The following MAST4 variants were observed in gnomAD, a reference collection of about 807,000 sequenced individuals.
MAST4 encodes the protein microtubule-associated serine/threonine-protein kinase 4.
Under a neutral mutation model 162.7 loss-of-function variants are expected in MAST4, and 89 were observed. The ratio of observed to expected loss-of-function variants is 0.55; its 90% CI spans 0.46 to 0.65. MAST4 has a LOEUF of 0.65. Among genes scored for constraint, MAST4 ranks in the 30% least tolerant of loss-of-function variants. The probability of loss-of-function intolerance (pLI) is 0.00; values close to 1 mark genes in which losing one functional copy is unlikely to be tolerated. For synonymous variants in MAST4, 1,479 were observed against 1,361.1 expected (o/e 1.09, Z -1.91); for missense variants, 3,153 against 3,374.0 (o/e 0.93, Z 1.62).
At chr5:66,965,612 A>C in intron 4 of MAST4, among the ~76,000 whole-genome samples, 1 of 150,976 alleles carries the variant, frequency 6.6e-6, no homozygotes, top group South Asian at 2.1e-4. Flanking sequence ...TGAAGGATAA[A>C]ACCAGACAGA....
At chr5:66,778,366 C>G (rs1231889089) in intron 2 of MAST4, among the ~76,000 whole-genome samples, 1 of 152,052 alleles carries the variant, frequency 6.6e-6, no homozygotes, top group Non-Finnish European at 1.5e-5. Flanking sequence ...CAGGGCTGGG[C>G]CTCATTGCAG....
At position 67,165,811 on chromosome 5, in the gene MAST4, CCCTCT is replaced by C. The variant is rs1743347031; in HGVS notation, c.6639_6643del (p.Ser2214GlufsTer21). The C allele has an allele frequency of 6.2e-7, 1 of 1,612,362 alleles. No homozygotes were observed. Among genetic ancestry groups the C allele is most frequent in the African/African-American group, 1.3e-5 (1 of 74,932 alleles). On this transcript the variant is annotated frameshift_variant, in exon 29 of 29. Transcript: ENST00000403625. LOFTEE classifies it low-confidence loss of function (END_TRUNC). The stretch of plus-strand genomic sequence containing the variant: ...CCAAAGACTAAGCACCCCGACCGGT[CCCTCT>C]CCTCTCAGAAACCAAGTGTCGGGGC...
chr5:67,027,425 T>C (rs1307875394), intron 4 of MAST4, among the ~76,000 whole-genome samples: 3 of 152,158 alleles, frequency 2.0e-5, no homozygotes, highest in Non-Finnish European at 2.9e-5. Flanking sequence ...CATAAGGATC[T>C]GGAGGGCTAA....
intron 4 of MAST4, among the ~76,000 whole-genome samples, chr5:66,976,617 G>A (rs1174483274): frequency 6.6e-6 from 1 of 152,340 alleles, no homozygotes; most frequent in South Asian, 2.1e-4. Context: ...TAATGCACAG[G>A]TCTTTGCAGG....
intron 5 of MAST4, among the ~76,000 whole-genome samples, chr5:67,089,202 C>G (rs1241193234): frequency 6.6e-6 from 1 of 152,196 alleles, no homozygotes; most frequent in Non-Finnish European, 1.5e-5. Context: ...CTTATTTAAA[C>G]CAGCTACAGT....
intron 2 of MAST4, among the ~76,000 whole-genome samples, chr5:66,784,112 T>C (rs960016679): frequency 6.6e-6 from 1 of 151,924 alleles, no homozygotes; most frequent in Non-Finnish European, 1.5e-5. Context: ...CCATCAAATC[T>C]CTCCCCTGGC....
At chr5:66,669,646 G>A (rs754415534) in intron 1 of MAST4, among the ~76,000 whole-genome samples, 1 of 152,206 alleles carries the variant, frequency 6.6e-6, no homozygotes, top group Non-Finnish European at 1.5e-5. Flanking sequence ...TGAACTTGAA[G>A]CTACTGGCTA....
At chr5:66,634,850 A>G (rs1745003697) in intron 1 of MAST4, among the ~76,000 whole-genome samples, 1 of 152,186 alleles carries the variant, frequency 6.6e-6, no homozygotes, top group Non-Finnish European at 1.5e-5. Context: ...AACCAGGCCC[A>G]ATATTCTGAA....
At chr5:66,973,708 T>C (rs1398009374) in intron 4 of MAST4, among the ~76,000 whole-genome samples, 3 of 152,204 alleles carry the variant, frequency 2.0e-5, no homozygotes, top group Non-Finnish European at 2.9e-5. Flanking sequence ...ATTTATTACA[T>C]TGCTGTTTGT....
At chr5:67,076,080 A>G (rs1282053295) in intron 5 of MAST4, among the ~76,000 whole-genome samples, 2 of 151,984 alleles carry the variant, frequency 1.3e-5, no homozygotes, top group Non-Finnish European at 2.9e-5. Context: ...ATCTAATCCA[A>G]TGACCTCTTT....
chr5:67,021,565 C>A (rs915823012), intron 4 of MAST4, among the ~76,000 whole-genome samples: 1 of 152,164 alleles, frequency 6.6e-6, no homozygotes, highest in African/African-American at 2.4e-5. Context: ...CAAAAAAGTT[C>A]TCAAAGGAGC....
At chr5:66,723,524 C>A (rs150160496) in intron 1 of MAST4, among the ~76,000 whole-genome samples, 1 of 152,252 alleles carries the variant, frequency 6.6e-6, no homozygotes, top group African/African-American at 2.4e-5. Context: ...ACAATGGCAT[C>A]AAACCTAATT....
At chr5:66,639,851 G>A (rs1485824272) in intron 1 of MAST4, among the ~76,000 whole-genome samples, 7 of 152,026 alleles carry the variant, frequency 4.6e-5, no homozygotes, top group Admixed American at 4.6e-4. Context: ...TATATTTAAA[G>A]CACATGACGT....
intron 4 of MAST4, among the ~76,000 whole-genome samples, chr5:66,955,607 AT>A (rs1362932861): frequency 1.3e-5 from 2 of 152,164 alleles, no homozygotes; most frequent in Non-Finnish European, 2.9e-5. Context: ...AGCCACTTTA[AT>A]TTTATATACT....
intron 3 of MAST4, among the ~76,000 whole-genome samples, chr5:66,804,901 T>C (rs1756109951): frequency 6.6e-6 from 1 of 152,230 alleles, no homozygotes; most frequent in African/African-American, 2.4e-5. Context: ...ATTATCTGTT[T>C]TTGCATTCTA....
chr5:66,802,020 A>G (rs1170100902), intron 3 of MAST4, among the ~76,000 whole-genome samples: 1 of 152,218 alleles, frequency 6.6e-6, no homozygotes, highest in Non-Finnish European at 1.5e-5. Context: ...TGTTAAGAAT[A>G]TAAATTAAGA....
intron 25 of MAST4, among the ~76,000 whole-genome samples, 154 bp from the exon 26 acceptor site, chr5:67,153,304 T>C (rs1243738697): frequency 3.3e-5 from 5 of 152,220 alleles, no homozygotes. Flanking sequence ...TATTTTAGAA[T>C]AATGATAGAA....
intron 4 of MAST4, chr5:66,986,454 C>A (rs1243020356): frequency 9.6e-6 from 15 of 1,569,926 alleles, no homozygotes; most frequent in Non-Finnish European, 1.3e-5. Context: ...CCCTGTGTGT[C>A]CAAATGCTGG....
intron 19 of MAST4, among the ~76,000 whole-genome samples, chr5:67,141,423 G>A (rs938325207): frequency 6.6e-6 from 1 of 152,076 alleles, no homozygotes; most frequent in African/African-American, 2.4e-5. Flanking sequence ...TATTTTTGAT[G>A]ACCTGTCCTT....
Sources: gnomAD v4.1 joint callset for allele counts (sites outside exome capture counted in the v4.1 genomes callset) on GRCh38, gnomAD v4.1.1 for gene constraint, MANE v1.5 for transcripts, NCBI Gene and HGNC (gene_info 2026-07-23, HGNC 2026-07-21) for gene names.